Variants in GRIA4 observed in about 807,000 individuals in gnomAD.
GRIA4 encodes the protein glutamate ionotropic receptor AMPA type subunit 4, also known as glutamate receptor 4.
GRIA4 carries 34 observed loss-of-function variants against 104.0 expected under a neutral mutation model. That is an observed-to-expected ratio of 0.33 (90% CI 0.25 to 0.44). The LOEUF is 0.44. Ranked by LOEUF, GRIA4 falls within the 20% of genes least tolerant of loss-of-function variation. The pLI, the probability that GRIA4 is intolerant of heterozygous loss-of-function variation, is 1.00. For synonymous variants in GRIA4, 386 were observed against 381.9 expected (o/e 1.01, Z -0.13); for missense variants, 750 against 1,096.5 (o/e 0.68, Z 4.46).
At chr11:105,794,958 T>A (rs1942419988) in intron 4 of GRIA4, among the ~76,000 whole-genome samples, 1 of 152,054 alleles carries the variant, frequency 6.6e-6, no homozygotes, top group Non-Finnish European at 1.5e-5. Context: ...GAGAAGACCA[T>A]TTTTACTCAT....
At chr11:105,731,099 A>G (rs188258819) in intron 3 of GRIA4, among the ~76,000 whole-genome samples, 45 of 152,312 alleles carry the variant, frequency 3.0e-4, no homozygotes, top group Non-Finnish European at 5.4e-4. Flanking sequence ...AAACCTACAG[A>G]ATGGGAGAAA....
chr11:105,971,727 C>T (rs966932973), intron 14 of GRIA4, among the ~76,000 whole-genome samples, 187 bp from the exon 15 acceptor site: 1 of 152,102 alleles, frequency 6.6e-6, no homozygotes, highest in African/African-American at 2.4e-5. Flanking sequence ...GCAGTATGTG[C>T]CTGTTACCTA....
At chr11:105,658,217 C>T (rs978886733) in intron 3 of GRIA4, among the ~76,000 whole-genome samples, 1 of 151,700 alleles carries the variant, frequency 6.6e-6, no homozygotes, top group African/African-American at 2.4e-5. Context: ...TAATAAAATA[C>T]ATATATTTCT....
At chr11:105,850,009 A>G (rs1164300746) in intron 4 of GRIA4, among the ~76,000 whole-genome samples, 1 of 152,234 alleles carries the variant, frequency 6.6e-6, no homozygotes, top group South Asian at 2.1e-4. Context: ...TTAATTCACC[A>G]GCACAATTCA....
At position 105,610,971 on chromosome 11, in the gene GRIA4, C is replaced by G. The variant is rs776960975; in HGVS notation, c.-27C>G. The G allele has an allele frequency of 1.2e-5, 18 of 1,455,600 alleles. No individual in the cohort carries two copies. The highest frequency in any genetic ancestry group is 1.7e-5 in the Admixed American group (1 of 59,038). The allele number at this position is 1,455,600 out of a possible 1,614,324, so 90.2% of individuals were successfully genotyped here. On this transcript the variant is annotated 5_prime_UTR_variant, in exon 2 of 17. Coordinates refer to ENST00000282499, the MANE Select transcript of GRIA4 (RefSeq NM_000829.4). The stretch of plus-strand genomic sequence containing the variant: ...AAGAGTGCGAGAGAAAGAGAGAGAG[C>G]GCGCGCCAGGGAGAGGAGAAAAGAA...
chr11:105,870,006 T>C (rs1405102873), intron 5 of GRIA4, among the ~76,000 whole-genome samples: 5 of 151,968 alleles, frequency 3.3e-5, no homozygotes, highest in Admixed American at 2.0e-4. Context: ...AGATTGGATA[T>C]AAGAAATTTA....
chr11:105,786,878 G>C (rs73540356), intron 4 of GRIA4, among the ~76,000 whole-genome samples: 1,664 of 152,196 alleles, frequency 0.011, 41 homozygotes, highest in African/African-American at 0.037. Context: ...AACAGAATTG[G>C]ACTCCCATAA....
chr11:105,930,208 C>T (rs1253956106), intron 13 of GRIA4, among the ~76,000 whole-genome samples: 1 of 152,050 alleles, frequency 6.6e-6, no homozygotes, highest in South Asian at 2.1e-4. Flanking sequence ...CACTCTCTTG[C>T]AGTCACAGAT....
At chr11:105,878,581 G>T (rs1171844050) in intron 5 of GRIA4, among the ~76,000 whole-genome samples, 3 of 152,234 alleles carry the variant, frequency 2.0e-5, no homozygotes, top group Non-Finnish European at 2.9e-5. Context: ...CTCATGACTG[G>T]CACTGCTGCC....
At chr11:105,927,554 T>C (rs1393473968) in intron 13 of GRIA4, among the ~76,000 whole-genome samples, 1 of 152,124 alleles carries the variant, frequency 6.6e-6, no homozygotes, top group Non-Finnish European at 1.5e-5. Context: ...CCAACTGATA[T>C]AATTGTATTA....
chr11:105,610,762 A>G, intron 1 of GRIA4, 146 bp from the exon 2 acceptor site: 1 of 498,902 alleles, frequency 2.0e-6, no homozygotes, highest in South Asian at 2.5e-5. Context: ...AGGGCTATGG[A>G]GACTGCGGGA....
rs1431617295 is a variant in GRIA4, at chr11:105,880,311, AT to A, written c.673-7204del. On this transcript the variant is annotated intron_variant, in intron 5 of 16. Transcript: ENST00000282499. ...ATTATCCAAGGCTTGTAGATGTAGA[AT>A]TTTAGAACCACCATGATAGGCAGAG... 8.5e-5 allele frequency among the ~76,000 whole-genome samples: 13 copies of A among 152,342 alleles called. No individual in the cohort carries two copies. In the East Asian group the frequency reaches 2.5e-3, roughly 29 times the overall value.
intron 6 of GRIA4, among the ~76,000 whole-genome samples, chr11:105,888,310 G>A (rs1274747194): frequency 1.0e-5 from 1 of 96,506 alleles, no homozygotes; most frequent in African/African-American, 4.2e-5. Flanking sequence ...TTGAGACGGA[G>A]TCTCACTCTG....
intron 3 of GRIA4, among the ~76,000 whole-genome samples, chr11:105,727,723 A>T (rs1013594677): frequency 5.9e-5 from 9 of 152,226 alleles, no homozygotes; most frequent in African/African-American, 2.2e-4. Flanking sequence ...GCCAATATTC[A>T]ACATTCCTAA....
chr11:105,739,303 A>G (rs1187084347), intron 3 of GRIA4, among the ~76,000 whole-genome samples: 1 of 152,144 alleles, frequency 6.6e-6, no homozygotes, highest in Non-Finnish European at 1.5e-5. Context: ...TGAGCTCTCA[A>G]TTAGTTTAAT....
chr11:105,777,804 T>A (rs1375130406), intron 4 of GRIA4, among the ~76,000 whole-genome samples: 1 of 152,150 alleles, frequency 6.6e-6, no homozygotes, highest in African/African-American at 2.4e-5. Context: ...AAAAAATCAC[T>A]TTTTATAATT....
intron 3 of GRIA4, among the ~76,000 whole-genome samples, chr11:105,679,358 A>G (rs1267917760): frequency 3.3e-5 from 5 of 152,188 alleles, no homozygotes; most frequent in Non-Finnish European, 7.4e-5. Flanking sequence ...ATATCTGGGC[A>G]TCTTGGCCCA....
chr11:105,869,776 A>G (rs1945549399), intron 5 of GRIA4, among the ~76,000 whole-genome samples: 1 of 152,094 alleles, frequency 6.6e-6, no homozygotes, highest in Non-Finnish European at 1.5e-5. Flanking sequence ...ACTTTGATTC[A>G]GTCAGAAAAG....
At chr11:105,838,172 C>T (rs646007) in intron 4 of GRIA4, among the ~76,000 whole-genome samples, 83,923 of 152,040 alleles carry the variant, frequency 0.55, 23,887 homozygotes, top group African/African-American at 0.7. Context: ...AATCAAATAA[C>T]TGTGCTTCTC....
Sources: allele counts gnomAD v4.1 joint callset (sites outside exome capture counted in the v4.1 genomes callset), GRCh38; gene constraint gnomAD v4.1.1; transcripts MANE v1.5; gene names NCBI Gene and HGNC (gene_info 2026-07-23, HGNC 2026-07-21).